The following SEMA3E variants were observed in gnomAD, a reference collection of about 807,000 sequenced individuals.
The protein encoded by SEMA3E is semaphorin 3E, also known as semaphorin-3E.
Under a neutral mutation model 93.6 loss-of-function variants are expected in SEMA3E, and 49 were observed. The ratio of observed to expected loss-of-function variants is 0.52; its 90% CI spans 0.42 to 0.66. SEMA3E has a LOEUF of 0.66. Among genes scored for constraint, SEMA3E ranks in the 30% least tolerant of loss-of-function variants. SEMA3E has a pLI of 0.00. For synonymous variants in SEMA3E, 363 were observed against 330.7 expected (o/e 1.10, Z -1.06); for missense variants, 906 against 964.8 (o/e 0.94, Z 0.81).
At chr7:83,521,071 C>A (rs1370177944) in intron 1 of SEMA3E, among the ~76,000 whole-genome samples, 4 of 151,262 alleles carry the variant, frequency 2.6e-5, no homozygotes, top group Non-Finnish European at 5.9e-5. Flanking sequence ...TCGAGAAGGA[C>A]CTCAACTTTT....
chr7:83,555,805 T>C (rs1356547901), intron 1 of SEMA3E, among the ~76,000 whole-genome samples: 3 of 152,192 alleles, frequency 2.0e-5, no homozygotes, highest in African/African-American at 7.2e-5. Context: ...TGATTCAAAT[T>C]CATGCTCGGT....
intron 16 of SEMA3E, among the ~76,000 whole-genome samples, chr7:83,383,693 A>G (rs978380137): frequency 2.6e-5 from 4 of 152,032 alleles, no homozygotes; most frequent in African/African-American, 9.7e-5. Context: ...CAATATGAGA[A>G]AGAACCTTAT....
At chr7:83,624,155 T>C (rs1320215532) in intron 1 of SEMA3E, among the ~76,000 whole-genome samples, 1 of 152,204 alleles carries the variant, frequency 6.6e-6, no homozygotes, top group African/African-American at 2.4e-5. Flanking sequence ...TCCAAGTCTT[T>C]GCTATTGTGA....
chr7:83,609,296 GA>G (rs1279909901), intron 1 of SEMA3E, among the ~76,000 whole-genome samples: 1 of 151,786 alleles, frequency 6.6e-6, no homozygotes, highest in African/African-American at 2.4e-5. Flanking sequence ...ACATTTACTA[GA>G]AAAAAATTAT....
chr7:83,569,417 C>T (rs1028490124), intron 1 of SEMA3E, among the ~76,000 whole-genome samples: 4 of 152,070 alleles, frequency 2.6e-5, no homozygotes, highest in Admixed American at 2.6e-4. Flanking sequence ...GGTCTAAAAG[C>T]TCCACTTAAA....
At chr7:83,562,355 A>G (rs10236363) in intron 1 of SEMA3E, among the ~76,000 whole-genome samples, 2,939 of 152,204 alleles carry the variant, frequency 0.019, 90 homozygotes, top group African/African-American at 0.065. Flanking sequence ...TTGAGAGTCA[A>G]TATCTTTTCC....
chr7:83,468,541 C>T (rs930222489), intron 3 of SEMA3E, among the ~76,000 whole-genome samples: 1 of 150,812 alleles, frequency 6.6e-6, no homozygotes, highest in Non-Finnish European at 1.5e-5. Context: ...GTGTGTTAGT[C>T]ATTTATATAG....
chr7:83,589,303 T>C (rs1792703452), intron 1 of SEMA3E, among the ~76,000 whole-genome samples: 1 of 152,198 alleles, frequency 6.6e-6, no homozygotes, highest in Admixed American at 6.6e-5. Flanking sequence ...AGTGAGTTTC[T>C]TTCCTACCTG....
intron 16 of SEMA3E, among the ~76,000 whole-genome samples, chr7:83,374,206 C>CAAAAA (rs71074647): frequency 3.2e-5 from 3 of 93,298 alleles, no homozygotes; most frequent in African/African-American, 1.3e-4. Context: ...AACTGCGTCT[C>CAAAAA]AAAAAAAAAA....
At chr7:83,554,902 G>A (rs982890864) in intron 1 of SEMA3E, among the ~76,000 whole-genome samples, 28 of 151,882 alleles carry the variant, frequency 1.8e-4, no homozygotes, top group African/African-American at 4.6e-4. Context: ...GCGTGAACCC[G>A]GGAGGCGGAG....
At chr7:83,638,714 G>T (rs1185646520) in intron 1 of SEMA3E, among the ~76,000 whole-genome samples, 1 of 152,054 alleles carries the variant, frequency 6.6e-6, no homozygotes, top group African/African-American at 2.4e-5. Flanking sequence ...AAATGAAAAA[G>T]GTAATATGAG....
rs1562767558 is a variant in SEMA3E at position 83,406,068 on chromosome 7, A to G, written c.814-9T>C. ...TGCCCTCCTACATCATTCTGTGAAA[A>G]CCAAAAAGGAGGTAAATAGTTACCT... is the stretch of plus-strand genomic sequence containing the variant. On this transcript the variant is annotated splice_polypyrimidine_tract_variant and intron_variant, in intron 7 of 16. Transcript: ENST00000643230. The G allele has an allele frequency of 6.3e-7, 1 of 1,583,162 alleles. No homozygotes were observed. Among genetic ancestry groups the G allele is most frequent in the Non-Finnish European group, 8.7e-7 (1 of 1,152,198 alleles).
At chr7:83,618,403 T>C (rs187628016) in intron 1 of SEMA3E, among the ~76,000 whole-genome samples, 1 of 152,182 alleles carries the variant, frequency 6.6e-6, no homozygotes, top group East Asian at 1.9e-4. Context: ...AGTTTTTTTA[T>C]TTTAGTACTT....
At chr7:83,575,579 A>T (rs919092115) in intron 1 of SEMA3E, among the ~76,000 whole-genome samples, 5 of 152,122 alleles carry the variant, frequency 3.3e-5, no homozygotes, top group Non-Finnish European at 5.9e-5. Flanking sequence ...CTCACAAAAA[A>T]ACTATTTGTT....
intron 4 of SEMA3E, among the ~76,000 whole-genome samples, chr7:83,428,469 T>C (rs1164311201): frequency 6.6e-6 from 1 of 152,214 alleles, no homozygotes; most frequent in East Asian, 1.9e-4. Flanking sequence ...GCAGTATTGT[T>C]ACACAATGTC....
At chr7:83,609,988 A>G (rs1370985614) in intron 1 of SEMA3E, among the ~76,000 whole-genome samples, 1 of 152,068 alleles carries the variant, frequency 6.6e-6, no homozygotes, top group African/African-American at 2.4e-5. Flanking sequence ...ATACAGTACA[A>G]TGAACTGCAA....
intron 1 of SEMA3E, among the ~76,000 whole-genome samples, chr7:83,607,607 AT>A (rs1793153634): frequency 6.6e-6 from 1 of 152,210 alleles, no homozygotes; most frequent in Non-Finnish European, 1.5e-5. Context: ...ATGCTATAAA[AT>A]AAAAATTTGG....
At chr7:83,389,288 A>T (rs1318545666) in intron 14 of SEMA3E, among the ~76,000 whole-genome samples, 4 of 152,076 alleles carry the variant, frequency 2.6e-5, no homozygotes, top group Non-Finnish European at 5.9e-5. Flanking sequence ...CTATATTGAG[A>T]ACCTAAGGGC....
intron 1 of SEMA3E, among the ~76,000 whole-genome samples, chr7:83,517,973 A>G (rs1323141715): frequency 2.0e-5 from 3 of 152,178 alleles, no homozygotes; most frequent in Non-Finnish European, 4.4e-5. Flanking sequence ...TAATTAACAG[A>G]GTTAATTCCA....
Sources: gnomAD v4.1 joint callset for allele counts (sites outside exome capture counted in the v4.1 genomes callset) on GRCh38, gnomAD v4.1.1 for gene constraint, MANE v1.5 for transcripts, NCBI Gene and HGNC (gene_info 2026-07-23, HGNC 2026-07-21) for gene names.